LPP: variants seen among roughly 807,000 people sequenced by gnomAD.
LPP encodes lipoma-preferred partner.
Under a neutral mutation model 60.4 loss-of-function variants are expected in LPP, and 38 were observed. The observed-to-expected ratio is 0.63, with a 90% confidence interval of 0.49 to 0.83. LPP has a LOEUF of 0.83. Ranked by LOEUF, LPP falls within the 40% of genes least tolerant of loss-of-function variation. The pLI, the probability that LPP is intolerant of heterozygous loss-of-function variation, is 0.00. For synonymous variants in LPP, 328 were observed against 290.8 expected (o/e 1.13, Z -1.30); for missense variants, 902 against 783.6 (o/e 1.15, Z -1.80).
intron 1 of LPP, among the ~76,000 whole-genome samples, chr3:188,156,255 G>C (rs923330029): frequency 1.3e-5 from 2 of 152,122 alleles, no homozygotes; most frequent in African/African-American, 4.8e-5. Context: ...AGTGTACGCA[G>C]AGGGAGGAGA....
chr3:188,329,144 T>C (rs1560255423), intron 2 of LPP, among the ~76,000 whole-genome samples: 1 of 152,214 alleles, frequency 6.6e-6, no homozygotes, highest in Non-Finnish European at 1.5e-5. Context: ...CATGTATGGG[T>C]CACACATTAA....
At chr3:188,221,256 G>T (rs1420775041) in intron 1 of LPP, among the ~76,000 whole-genome samples, 1 of 152,064 alleles carries the variant, frequency 6.6e-6, no homozygotes, top group Admixed American at 6.5e-5. Context: ...AATCCTCTTG[G>T]GTGTTCAGGC....
chr3:188,753,759 G>C (rs977938421), intron 8 of LPP, among the ~76,000 whole-genome samples: 1 of 151,808 alleles, frequency 6.6e-6, no homozygotes, highest in Non-Finnish European at 1.5e-5. Flanking sequence ...TTCTTGTTGC[G>C]AGTGTTTGAG....
At chr3:188,553,449 G>A (rs1579903445) in intron 6 of LPP, among the ~76,000 whole-genome samples, 1 of 152,140 alleles carries the variant, frequency 6.6e-6, no homozygotes, top group Non-Finnish European at 1.5e-5. Flanking sequence ...GCCGCACATT[G>A]AGCTCGTGCA....
chr3:188,355,298 C>T (rs6777199), intron 3 of LPP, among the ~76,000 whole-genome samples: 5,995 of 152,184 alleles, frequency 0.039, 154 homozygotes, highest in Non-Finnish European at 0.06. Context: ...TGAGCCACCG[C>T]GCCTGGCTAG....
rs147216826 is a variant in LPP, at chr3:188,437,140, A to T, written c.193+30827A>T. Among the ~76,000 whole-genome samples, 125 of 152,318 alleles carry T rather than the reference A, an allele frequency of 8.2e-4. 1 individual carries two copies. The highest frequency in any genetic ancestry group is 6.8e-3 in the Middle Eastern group (2 of 294). On this transcript the variant is annotated intron_variant, in intron 4 of 11. Coordinates refer to ENST00000617246, the MANE Select transcript of LPP (RefSeq NM_001375462.1). ...ATGGTAATAATTAGAAATTAAGATG[A>T]TGATCTTTTATGTGAGCAACTTTCC...
At chr3:188,613,550 T>C (rs1844278052) in intron 7 of LPP, among the ~76,000 whole-genome samples, 1 of 152,106 alleles carries the variant, frequency 6.6e-6, no homozygotes, top group Non-Finnish European at 1.5e-5. Flanking sequence ...CCAGGGAAGT[T>C]GGAGAATCTT....
intron 6 of LPP, among the ~76,000 whole-genome samples, chr3:188,583,797 T>C (rs537319949): frequency 1.3e-5 from 2 of 152,324 alleles, no homozygotes; most frequent in East Asian, 3.9e-4. Flanking sequence ...TTCTGTATCA[T>C]AAAATAGAAT....
chr3:188,230,954 G>C (rs930923827), intron 2 of LPP, among the ~76,000 whole-genome samples: 1 of 152,050 alleles, frequency 6.6e-6, no homozygotes, highest in Non-Finnish European at 1.5e-5. Flanking sequence ...CAAGCACATC[G>C]CATGATGGTT....
chr3:188,868,135 T>C (rs1767133585), intron 10 of LPP, among the ~76,000 whole-genome samples: 2 of 152,208 alleles, frequency 1.3e-5, no homozygotes, highest in African/African-American at 4.8e-5. Flanking sequence ...AATCCCTGCG[T>C]CTTAAGGGAA....
chr3:188,269,163 A>C (rs2306378), intron 2 of LPP, among the ~76,000 whole-genome samples: 17,316 of 152,190 alleles, frequency 0.11, 1,339 homozygotes, highest in African/African-American at 0.21. Context: ...TTAAGGGTTA[A>C]TAGGTGGCTG....
chr3:188,564,754 A>T (rs1013837394), intron 6 of LPP, among the ~76,000 whole-genome samples: 3 of 151,966 alleles, frequency 2.0e-5, no homozygotes, highest in Non-Finnish European at 2.9e-5. Context: ...TTGAGGACAC[A>T]ACAGCAGCTG....
chr3:188,185,230 C>G (rs540271116), intron 1 of LPP, among the ~76,000 whole-genome samples: 1 of 146,316 alleles, frequency 6.8e-6, no homozygotes, highest in African/African-American at 2.6e-5. Flanking sequence ...TTTCTCCTCC[C>G]TGAGTTGCAG....
chr3:188,462,977 G>A (rs75374510), intron 4 of LPP, among the ~76,000 whole-genome samples: 2 of 151,938 alleles, frequency 1.3e-5, no homozygotes, highest in South Asian at 2.1e-4. Context: ...ATGGTGGGGG[G>A]CACTTGTAAT....
Position 188,661,467 on chromosome 3 carries a change from C to T in LPP, c.1114-46800C>T, listed in dbSNP as rs151174495. On this transcript the variant is annotated intron_variant, in intron 7 of 11. Transcript: ENST00000617246. ...TTTGCGGTCCCACCTGCAATGAATG[C>T]GTGTTCCTGTTGCTACAACATTGTG... Among the ~76,000 whole-genome samples, 11 of 152,174 alleles carry T rather than the reference C, an allele frequency of 7.2e-5. No homozygotes were observed. In the South Asian group the frequency reaches 8.3e-4, roughly 11 times the overall value.
chr3:188,640,907 A>G (rs1849980387), intron 7 of LPP, among the ~76,000 whole-genome samples: 1 of 152,346 alleles, frequency 6.6e-6, no homozygotes, highest in South Asian at 2.1e-4. Context: ...TCTCCAAAAA[A>G]TAAGGCCAAA....
intron 6 of LPP, among the ~76,000 whole-genome samples, chr3:188,581,523 T>A (rs1836111300): frequency 6.6e-6 from 1 of 152,262 alleles, no homozygotes; most frequent in East Asian, 1.9e-4. Context: ...CACATTGCTG[T>A]CATTCATTAA....
At chr3:188,176,763 G>A (rs183646764) in intron 1 of LPP, among the ~76,000 whole-genome samples, 6 of 152,224 alleles carry the variant, frequency 3.9e-5, no homozygotes, top group Admixed American at 6.5e-5. Context: ...ACATATACCT[G>A]GCCCTTAGTG....
At chr3:188,602,229 G>T (rs1841513745) in intron 6 of LPP, among the ~76,000 whole-genome samples, 1 of 128,572 alleles carries the variant, frequency 7.8e-6, no homozygotes, top group African/African-American at 2.9e-5. Flanking sequence ...AACTCATGGG[G>T]TCATCTATCA....
Sources: gnomAD v4.1 joint callset for allele counts (sites outside exome capture counted in the v4.1 genomes callset) on GRCh38, gnomAD v4.1.1 for gene constraint, MANE v1.5 for transcripts, NCBI Gene and HGNC (gene_info 2026-07-23, HGNC 2026-07-21) for gene names.